SLC4A4: variants seen among roughly 807,000 people sequenced by gnomAD.
SLC4A4 encodes the protein electrogenic sodium bicarbonate cotransporter 1.
A neutral mutation model predicts 111.5 loss-of-function variants in SLC4A4; 27 were observed. That is an observed-to-expected ratio of 0.24 (90% CI 0.18 to 0.33). The LOEUF is 0.33. Among genes scored for constraint, SLC4A4 ranks in the 10% least tolerant of loss-of-function variants. The pLI, the probability that SLC4A4 is intolerant of heterozygous loss-of-function variation, is 1.00. For missense variants in SLC4A4, 909 were observed against 1,315.5 expected, an observed-to-expected ratio of 0.69 and a Z score of 4.78; for synonymous variants, 443 against 463.4, an observed-to-expected ratio of 0.96 and a Z score of 0.57.
At chr4:71,534,751 C>T (rs1345264322) in intron 18 of SLC4A4, among the ~76,000 whole-genome samples, 1 of 152,116 alleles carries the variant, frequency 6.6e-6, no homozygotes, top group African/African-American at 2.4e-5. Flanking sequence ...TGAGCATCTG[C>T]TTTCTCTTAA....
chr4:71,230,600 G>A (rs913874190), intron 1 of SLC4A4, among the ~76,000 whole-genome samples: 1 of 152,180 alleles, frequency 6.6e-6, no homozygotes, highest in Non-Finnish European at 1.5e-5. Context: ...CTGCATGCAC[G>A]GAGAGAACCA....
chr4:71,346,508 T>A (rs1729343887), intron 4 of SLC4A4, among the ~76,000 whole-genome samples: 1 of 151,832 alleles, frequency 6.6e-6, no homozygotes, highest in Non-Finnish European at 1.5e-5. Context: ...TTTAGTATAC[T>A]CTACAGTAAA....
At chr4:71,502,152 G>A (rs986023570) in intron 16 of SLC4A4, among the ~76,000 whole-genome samples, 1 of 152,110 alleles carries the variant, frequency 6.6e-6, no homozygotes, top group African/African-American at 2.4e-5. Flanking sequence ...GTGGAGACGA[G>A]GTTTCACTAT....
chr4:71,427,799 A>C (rs1028390182), intron 7 of SLC4A4, among the ~76,000 whole-genome samples: 1 of 152,166 alleles, frequency 6.6e-6, no homozygotes, highest in Admixed American at 6.5e-5. Flanking sequence ...ATAGGCTTAC[A>C]ACCATCCACA....
intron 1 of SLC4A4, among the ~76,000 whole-genome samples, chr4:71,206,823 A>ATTATTG (rs1372181478): frequency 9.9e-5 from 15 of 151,476 alleles, no homozygotes; most frequent in African/African-American, 2.9e-4. Context: ...TATTATTATT[A>ATTATTG]TTTTAGAAGG....
At chr4:71,374,756 C>T (rs867370434) in intron 6 of SLC4A4, among the ~76,000 whole-genome samples, 3 of 150,870 alleles carry the variant, frequency 2.0e-5, no homozygotes, top group South Asian at 2.1e-4. Context: ...TTTGGAAAAA[C>T]GTTGGCAGTC....
intron 6 of SLC4A4, among the ~76,000 whole-genome samples, chr4:71,381,245 C>T (rs76694579): frequency 0.012 from 1,899 of 152,208 alleles, 107 homozygotes; most frequent in East Asian, 0.12. Context: ...CTTTAAAAAT[C>T]GATTCTTCTA....
intron 6 of SLC4A4, among the ~76,000 whole-genome samples, chr4:71,375,368 ATAC>A (rs1732253023): frequency 6.6e-6 from 1 of 152,196 alleles, no homozygotes; most frequent in African/African-American, 2.4e-5. Context: ...GCCTTTATCT[ATAC>A]TACATTTCAG....
intron 18 of SLC4A4, among the ~76,000 whole-genome samples, chr4:71,536,867 A>G (rs572994475): frequency 1.3e-5 from 2 of 151,792 alleles, no homozygotes; most frequent in South Asian, 4.2e-4. Context: ...GAGGAGATAT[A>G]GTTTTGATAT....
chr4:71,330,383 G>A (rs1727870611), intron 3 of SLC4A4, among the ~76,000 whole-genome samples: 1 of 151,972 alleles, frequency 6.6e-6, no homozygotes, highest in South Asian at 2.1e-4. Flanking sequence ...AGGTAAAACA[G>A]AGATATAGAC....
chr4:71,163,994 C>A (rs1288768226), intron 2 of SLC4A4, among the ~76,000 whole-genome samples: 1 of 152,190 alleles, frequency 6.6e-6, no homozygotes, highest in Non-Finnish European at 1.5e-5. Context: ...GCCTATAATC[C>A]CAGCATTTTG....
intron 1 of SLC4A4, among the ~76,000 whole-genome samples, chr4:71,083,851 T>C (rs1052006016): frequency 7.0e-6 from 1 of 143,750 alleles, no homozygotes; most frequent in Non-Finnish European, 1.5e-5. Flanking sequence ...TTAAATGAAA[T>C]AATTCATATA....
At chr4:71,248,369 T>C (rs2149052001) in intron 2 of SLC4A4, among the ~76,000 whole-genome samples, 1 of 151,158 alleles carries the variant, frequency 6.6e-6, no homozygotes, top group East Asian at 1.9e-4. Flanking sequence ...TATATATTTA[T>C]ATATAATCTC....
intron 1 of SLC4A4, among the ~76,000 whole-genome samples, chr4:71,208,443 A>AATAT (rs1553962713): frequency 2.1e-4 from 31 of 144,808 alleles, no homozygotes; most frequent in African/African-American, 5.4e-4. Context: ...AAAAAAAAAA[A>AATAT]ATATATATAT....
intron 1 of SLC4A4, among the ~76,000 whole-genome samples, chr4:71,069,934 A>C (rs577750150): frequency 7.3e-4 from 111 of 152,300 alleles, no homozygotes; most frequent in Non-Finnish European, 1.2e-3. Flanking sequence ...CTCAATGCAG[A>C]TGCTGTAAGA....
At chr4:71,145,926 GT>G (rs368162021) in intron 2 of SLC4A4, among the ~76,000 whole-genome samples, 2,011 of 152,138 alleles carry the variant, frequency 0.013, 26 homozygotes, top group Middle Eastern at 0.021. Context: ...TTTTTGAAGG[GT>G]TTTTTGTGTC....
intron 1 of SLC4A4, among the ~76,000 whole-genome samples, chr4:71,208,517 A>G (rs570054291): frequency 2.0e-5 from 3 of 151,620 alleles, no homozygotes; most frequent in African/African-American, 7.2e-5. Context: ...CATTATCTGT[A>G]AAATGAAAAA....
intron 2 of SLC4A4, among the ~76,000 whole-genome samples, chr4:71,129,993 A>T (rs1743659727): frequency 6.6e-6 from 1 of 152,084 alleles, no homozygotes; most frequent in South Asian, 2.1e-4. Flanking sequence ...GGATAGAGGG[A>T]GGAAGGAGGG....
chr4:71,481,591 T>G (rs1728885061), intron 14 of SLC4A4, among the ~76,000 whole-genome samples: 1 of 151,744 alleles, frequency 6.6e-6, no homozygotes, highest in African/African-American at 2.4e-5. Context: ...CTTAAATGCC[T>G]AGTGTTCCAT....
Sources: allele counts gnomAD v4.1 joint callset (sites outside exome capture counted in the v4.1 genomes callset), GRCh38; gene constraint gnomAD v4.1.1; transcripts MANE v1.5; gene names NCBI Gene and HGNC (gene_info 2026-07-23, HGNC 2026-07-21).